The following ERC1 variants were observed in gnomAD, a reference collection of about 807,000 sequenced individuals.
The protein encoded by ERC1 is RAB6 interacting protein 2.
In ERC1, 56 loss-of-function variants were observed where a neutral mutation model predicts 132.0. That is an observed-to-expected ratio of 0.42 (90% CI 0.34 to 0.53). ERC1 has a LOEUF of 0.53. Ranked by LOEUF, ERC1 falls within the 20% of genes least tolerant of loss-of-function variation. ERC1 has a pLI of 0.03. For synonymous variants in ERC1, 478 were observed against 476.1 expected (o/e 1.00, Z -0.05); for missense variants, 1,202 against 1,349.9 (o/e 0.89, Z 1.72).
At chr12:1,373,223 T>C (rs973290807) in intron 16 of ERC1, among the ~76,000 whole-genome samples, 1 of 152,176 alleles carries the variant, frequency 6.6e-6, no homozygotes, top group African/African-American at 2.4e-5. Flanking sequence ...AAACTGAAAT[T>C]TGGCTCATCA....
chr12:1,110,626 C>T (rs1175880075), intron 5 of ERC1, among the ~76,000 whole-genome samples: 1 of 152,192 alleles, frequency 6.6e-6, no homozygotes, highest in Non-Finnish European at 1.5e-5. Context: ...ATTAGTACTT[C>T]CGAAAAACTT....
chr12:1,413,645 A>G (rs1347310771), intron 17 of ERC1, among the ~76,000 whole-genome samples: 1 of 152,164 alleles, frequency 6.6e-6, no homozygotes, highest in African/African-American at 2.4e-5. Flanking sequence ...TCTCTCTCAC[A>G]TGTCATTCTG....
chr12:1,392,689 G>A (rs1309353123), intron 16 of ERC1, among the ~76,000 whole-genome samples: 1 of 151,898 alleles, frequency 6.6e-6, no homozygotes, highest in Non-Finnish European at 1.5e-5. Flanking sequence ...TCAAATATTT[G>A]GATTTATAAA....
intron 18 of ERC1, among the ~76,000 whole-genome samples, chr12:1,463,375 G>A (rs1257497547): frequency 6.6e-6 from 1 of 152,148 alleles, no homozygotes; most frequent in African/African-American, 2.4e-5. Flanking sequence ...TAGCTGTTGG[G>A]GGACAGGGCC....
chr12:1,207,415 GTTA>G (rs1430174696), intron 12 of ERC1, among the ~76,000 whole-genome samples: 9 of 152,082 alleles, frequency 5.9e-5, no homozygotes, highest in African/African-American at 2.2e-4. Context: ...GAGAATGATC[GTTA>G]TTATTTGCAT....
intron 16 of ERC1, among the ~76,000 whole-genome samples, chr12:1,376,141 G>A (rs553176795): frequency 6.6e-6 from 1 of 152,300 alleles, no homozygotes; most frequent in East Asian, 1.9e-4. Flanking sequence ...CTCTGAGGAA[G>A]AACGTATTTC....
intron 13 of ERC1, among the ~76,000 whole-genome samples, chr12:1,245,788 G>A (rs2076120507): frequency 6.6e-6 from 1 of 152,040 alleles, no homozygotes; most frequent in Admixed American, 6.6e-5. Context: ...TCTTCCTTAC[G>A]ATGTCATGGT....
chr12:1,214,654 G>T (rs1958204025), intron 12 of ERC1, among the ~76,000 whole-genome samples: 1 of 126,600 alleles, frequency 7.9e-6, no homozygotes, highest in South Asian at 2.4e-4. Flanking sequence ...AAATATGCGT[G>T]TGTGTATACA....
chr12:1,189,799 C>T lies in ERC1; in HGVS notation c.2158-60C>T, dbSNP rs1242510851. 9.3e-6 allele frequency: 12 copies of T among 1,291,200 alleles called. No individual in the cohort carries two copies. In the East Asian group the frequency reaches 2.8e-4, roughly 30 times the overall value. The allele number at this position is 1,291,200 out of a possible 1,614,324, so 80.0% of individuals were successfully genotyped here. On this transcript the variant is annotated intron_variant, in intron 11 of 18. Transcript: ENST00000360905. ...TTGGAATATAAATCATTGTTTGGGA[C>T]ATGGTTTGCCCATTGCCACCTGTGT...
chr12:1,047,244 T>C (rs1971215687), intron 2 of ERC1, among the ~76,000 whole-genome samples: 1 of 152,174 alleles, frequency 6.6e-6, no homozygotes, highest in Non-Finnish European at 1.5e-5. Context: ...ATCATAAATA[T>C]TTATCGTGTT....
chr12:1,325,771 C>T (rs982639413), intron 15 of ERC1, among the ~76,000 whole-genome samples: 4 of 152,082 alleles, frequency 2.6e-5, no homozygotes, highest in African/African-American at 4.8e-5. Context: ...AGTTTTGACT[C>T]ATTTCTTTCA....
At chr12:1,368,701 C>G (rs1224199407) in intron 15 of ERC1, among the ~76,000 whole-genome samples, 1 of 152,140 alleles carries the variant, frequency 6.6e-6, no homozygotes, top group Admixed American at 6.6e-5. Context: ...AGGTTGTTCT[C>G]CCTCATACTA....
intron 2 of ERC1, among the ~76,000 whole-genome samples, chr12:1,031,258 T>A (rs1967981684): frequency 6.6e-6 from 1 of 152,358 alleles, no homozygotes; most frequent in South Asian, 2.1e-4. Flanking sequence ...ACAACTTTGC[T>A]ATTCCACTGT....
chr12:1,227,678 T>A, intron 12 of ERC1, among the ~76,000 whole-genome samples: 1 of 152,234 alleles, frequency 6.6e-6, no homozygotes, highest in Non-Finnish European at 1.5e-5. Flanking sequence ...TGTCTATTCT[T>A]GCTTTTGTTG....
chr12:1,064,051 A>G (rs2154177390), intron 2 of ERC1, among the ~76,000 whole-genome samples: 1 of 152,194 alleles, frequency 6.6e-6, no homozygotes, highest in Non-Finnish European at 1.5e-5. Context: ...TGCTGGGTAT[A>G]GTATTCTTGG....
intron 2 of ERC1, among the ~76,000 whole-genome samples, chr12:1,059,804 C>G (rs992334598): frequency 2.6e-5 from 4 of 152,130 alleles, no homozygotes; most frequent in African/African-American, 7.2e-5. Context: ...TTTGTTGTTT[C>G]TGTACCCTTG....
intron 12 of ERC1, among the ~76,000 whole-genome samples, chr12:1,211,351 G>A (rs1957852571): frequency 6.6e-6 from 1 of 152,030 alleles, no homozygotes; most frequent in African/African-American, 2.4e-5. Flanking sequence ...TTTCTCCATT[G>A]TTGGTCAGGC....
chr12:1,214,665 TACACAC>T lies in ERC1; in HGVS notation c.2352-22072_2352-22067del, dbSNP rs59137347. 4.6e-3 allele frequency among the ~76,000 whole-genome samples: 547 copies of T among 119,084 alleles called. 2 individuals carry two copies. The highest frequency in any genetic ancestry group is 8.9e-3 in the Middle Eastern group (2 of 224). 78.1% of individuals were successfully genotyped at this position (119,084 alleles called of 152,430 possible). A position where few individuals can be genotyped will look rare whatever the true frequency, so the allele number is the denominator to read the frequency against. On this transcript the variant is annotated intron_variant, in intron 12 of 18. Coordinates refer to ENST00000360905, the MANE Select transcript of ERC1 (RefSeq NM_178040.4). ...ACATAAATATGCGTGTGTGTATACA[TACACAC>T]ACACACACACACACACACACACACA...
chr12:999,543 T>G (rs572607216), intron 1 of ERC1, among the ~76,000 whole-genome samples: 2 of 151,830 alleles, frequency 1.3e-5, no homozygotes, highest in Admixed American at 6.6e-5. Flanking sequence ...TCAGTGATGG[T>G]GTGAATGTTT....
Sources: allele counts gnomAD v4.1 joint callset (sites outside exome capture counted in the v4.1 genomes callset), GRCh38; gene constraint gnomAD v4.1.1; transcripts MANE v1.5; gene names NCBI Gene and HGNC (gene_info 2026-07-23, HGNC 2026-07-21).